EIF3D: variants seen among roughly 807,000 people sequenced by gnomAD.
The protein encoded by EIF3D is eIF3 p66.
EIF3D carries 10 observed loss-of-function variants against 75.4 expected under a neutral mutation model. The observed-to-expected ratio is 0.13, with a 90% CI of 0.08 to 0.22. The LOEUF (loss-of-function observed/expected upper bound fraction) is 0.22. Among genes scored for constraint, EIF3D ranks in the 10% least tolerant of loss-of-function variants. The pLI, the probability that EIF3D is intolerant of heterozygous loss-of-function variation, is 1.00. For synonymous variants in EIF3D, 246 were observed against 248.3 expected (o/e 0.99, Z 0.09); for missense variants, 394 against 708.0 (o/e 0.56, Z 5.03).
chr22:36,512,279 C>G (rs1934352192), intron 13 of EIF3D, among the ~76,000 whole-genome samples, 181 bp downstream of exon 13: 1 of 152,218 alleles, frequency 6.6e-6, no homozygotes, highest in Non-Finnish European at 1.5e-5. Context: ...TAGTTCAGGA[C>G]TCCATTCAGC....
intron 5 of EIF3D, 94 bp from the exon 6 acceptor site, chr22:36,523,375 C>T: frequency 1.0e-6 from 1 of 966,700 alleles, no homozygotes; most frequent in Non-Finnish European, 1.6e-6. Context: ...TAAACCTTAC[C>T]ATCACCACTA....
intron 12 of EIF3D, 194 bp from the exon 13 acceptor site, chr22:36,512,796 G>C (rs754261625): frequency 1.7e-6 from 1 of 598,582 alleles, no homozygotes; most frequent in Admixed American, 3.2e-5. Context: ...GTCACTCAAC[G>C]ACTTACAATT....
At chr22:36,524,481 A>T in intron 4 of EIF3D, 115 bp downstream of exon 4, 1 of 1,464,394 alleles carries the variant, frequency 6.8e-7, no homozygotes, top group East Asian at 2.3e-5. Context: ...AGATTCACGA[A>T]AAGACCTATA....
At position 36,523,787 on chromosome 22, in the gene EIF3D, T is replaced by C. The variant is rs901497646; in HGVS notation, c.392+108A>G. 13 of 1,072,542 alleles carry C rather than the reference T, an allele frequency of 1.2e-5. No individual in the cohort carries two copies. The African/African-American group carries it at 1.9e-4, about 15-fold the overall frequency. The allele number at this position is 1,072,542 out of a possible 1,614,324, so 66.4% of individuals were successfully genotyped here. A position where few individuals can be genotyped will look rare whatever the true frequency, so the allele number is the denominator to read the frequency against. ...TAACTGGTTGTAGAAAGTATTTTCC[T>C]TTTTTGCAGTGGTGGGGAATACAAC... On this transcript the variant is annotated intron_variant, in intron 5 of 14. Transcript: ENST00000216190.
chr22:36,513,802 C>T lies in EIF3D; in HGVS notation c.1207-1200G>A, dbSNP rs377714520. 9.8e-5 allele frequency among the ~76,000 whole-genome samples: 15 copies of T among 152,346 alleles called. No individual in the cohort carries two copies. In the South Asian group the frequency reaches 2.9e-3, roughly 29 times the overall value. Reference sequence around the variant, plus strand: ...AACTCATGAACCCAAGCGATTCTCCCACCTCAGGCTCCTGAGTAGCTAGGA... The same window carrying T: ...AACTCATGAACCCAAGCGATTCTCCTACCTCAGGCTCCTGAGTAGCTAGGA... On this transcript the variant is annotated intron_variant, in intron 12 of 14. Transcript: ENST00000216190.
chr22:36,523,234 C>T lies in EIF3D; in HGVS notation c.440G>A (p.Arg147Lys). The T allele has an allele frequency of 6.2e-7, 1 of 1,613,962 alleles. No individual in the cohort carries two copies. The highest frequency in any genetic ancestry group is 8.5e-7 in the Non-Finnish European group (1 of 1,179,922). Residue 147 changes from arginine to lysine, a missense_variant, in exon 6 of 15, where the codon AGG (arginine) becomes AAG (lysine). By Grantham distance (26) the Arg-to-Lys change is conservative. Transcript: ENST00000216190. ...CTGTGATTTCTGATCCCATTTCTGC[C>T]TAACCCCAAATTGTTTCTGGAACTT... ...QKKFQKQFGV[R>K]QKWDQKSQKP...
At chr22:36,525,944 T>C in intron 2 of EIF3D, 55 bp downstream of exon 2, 1 of 1,558,052 alleles carries the variant, frequency 6.4e-7, no homozygotes, top group South Asian at 1.2e-5. Context: ...AAACAGGGAC[T>C]CGAGAGTAGC....
At chr22:36,512,631 A>C in intron 12 of EIF3D, 29 bp from the exon 13 acceptor site, 2 of 1,598,064 alleles carry the variant, frequency 1.3e-6, no homozygotes, top group Non-Finnish European at 1.7e-6. Context: ...AGAGAAACAG[A>C]AGCAAGCTCC....
chr22:36,524,734 T>C lies in EIF3D; in HGVS notation c.170-2A>G. Reference sequence around the variant, plus strand: ...CACCAAACTGAGAGGAGTACTTATCTGGAGGCAAAGGTGATGGCATGTAGT... The same window carrying C: ...CACCAAACTGAGAGGAGTACTTATCCGGAGGCAAAGGTGATGGCATGTAGT... On this transcript the variant is annotated splice_acceptor_variant, in intron 3 of 14. Coordinates refer to ENST00000216190, the MANE Select transcript of EIF3D (RefSeq NM_003753.4). LOFTEE classifies it high-confidence loss of function. 1 of 1,614,216 alleles carries C rather than the reference T, an allele frequency of 6.2e-7. No individual in the cohort carries two copies.
At position 36,524,144 on chromosome 22, in the gene EIF3D, G is replaced by T. The variant is rs183157472; in HGVS notation, c.307-164C>A. 3.7e-3 allele frequency among the ~76,000 whole-genome samples: 550 copies of T among 150,534 alleles called. 7 individuals are homozygous for T. Among genetic ancestry groups the T allele is most frequent in the African/African-American group, 0.013 (531 of 39,948 alleles). On this transcript the variant is annotated intron_variant, in intron 4 of 14. Coordinates refer to ENST00000216190, the MANE Select transcript of EIF3D (RefSeq NM_003753.4). ...GGCATCAACAGCTTGGGGGTGTTAG[G>T]GGGTAAGTGCTTGGACTTTGCTTAG...
At chr22:36,519,315 T>G in intron 8 of EIF3D, 90 bp downstream of exon 8, 6 of 1,557,924 alleles carry the variant, frequency 3.9e-6, no homozygotes, top group Non-Finnish European at 5.3e-6. Flanking sequence ...ACATACGTTA[T>G]TCCCATGTCT....
chr22:36,528,594 A>T (rs12160241), intron 1 of EIF3D: 1 of 125,496 alleles, frequency 8.0e-6, no homozygotes, highest in African/African-American at 4.5e-5. Context: ...ATCGCTGAAC[A>T]GGGGGTGGGG....
At chr22:36,518,493 TTAAAAAA>T (rs2145873279) in intron 9 of EIF3D, among the ~76,000 whole-genome samples, 1 of 77,290 alleles carries the variant, frequency 1.3e-5, no homozygotes, top group South Asian at 3.3e-4. Context: ...TCTGTCTCAA[TTAAAAAA>T]AAAAAAAAAC....
intron 3 of EIF3D, among the ~76,000 whole-genome samples, chr22:36,525,233 G>A (rs1190617573): frequency 1.5e-5 from 2 of 134,380 alleles, no homozygotes; most frequent in African/African-American, 5.9e-5. Flanking sequence ...AAAACCAGGG[G>A]TTTTACTTTT....
intron 1 of EIF3D, among the ~76,000 whole-genome samples, chr22:36,528,471 A>G (rs950667518): frequency 6.6e-6 from 1 of 151,536 alleles, no homozygotes; most frequent in Non-Finnish European, 1.5e-5. Flanking sequence ...TGAGCCGCTC[A>G]GCAAAAACGA....
intron 1 of EIF3D, among the ~76,000 whole-genome samples, chr22:36,527,692 A>C (rs981029106): frequency 1.3e-5 from 2 of 152,220 alleles, no homozygotes; most frequent in Non-Finnish European, 2.9e-5. Context: ...TACAAAAATT[A>C]GCTGGGCGTG....
In EIF3D at chr22:36,519,551, A is replaced by G. The variant is rs1445403286; in HGVS notation, c.579-14T>C. The G allele has an allele frequency of 6.2e-7, 1 of 1,614,068 alleles. No homozygotes were observed. Among genetic ancestry groups the G allele is most frequent in the East Asian group, 2.2e-5 (1 of 44,884 alleles). ...CCACAACACTCACTGTGGGAAGAGC[A>G]GGCAAAGACATGCAAAGTAAGAGAG... On this transcript the variant is annotated splice_polypyrimidine_tract_variant and intron_variant, in intron 7 of 14. Transcript: ENST00000216190.
intron 7 of EIF3D, among the ~76,000 whole-genome samples, chr22:36,519,966 T>C (rs547952416): frequency 6.6e-6 from 1 of 152,340 alleles, no homozygotes; most frequent in South Asian, 2.1e-4. Flanking sequence ...ACAAGAGTTT[T>C]ATAACTTAAT....
At chr22:36,523,128 T>C (rs1354088822) in intron 6 of EIF3D, 81 bp downstream of exon 6, 1 of 1,098,946 alleles carries the variant, frequency 9.1e-7, no homozygotes, top group East Asian at 2.4e-5. Context: ...ATGTGAAGTA[T>C]ATCTCATCTA....
Sources: allele counts gnomAD v4.1 joint callset (sites outside exome capture counted in the v4.1 genomes callset), GRCh38; gene constraint gnomAD v4.1.1; transcripts MANE v1.5; gene names NCBI Gene and HGNC (gene_info 2026-07-23, HGNC 2026-07-21).